SIAE: variants seen among roughly 807,000 people sequenced by gnomAD.
SIAE encodes sialic acid acetylesterase.
A neutral mutation model predicts 52.6 loss-of-function variants in SIAE; 39 were observed. The observed-to-expected ratio is 0.74, with a 90% CI of 0.57 to 0.97. The LOEUF (loss-of-function observed/expected upper bound fraction) is 0.97, where lower values mean the gene tolerates loss of function less well. Among genes scored for constraint, SIAE ranks in the 50% least tolerant of loss-of-function variants. The pLI is 0.00. For missense variants in SIAE, 592 were observed against 662.1 expected (o/e 0.89, Z 1.16); for synonymous variants, 233 against 241.4 (o/e 0.97, Z 0.32).
In SIAE at chr11:124,637,288, G is replaced by A. The variant is rs895607628; in HGVS notation, c.1321-86C>T. 5.7e-6 allele frequency: 9 copies of A among 1,577,702 alleles called. No individual in the cohort carries two copies. The African/African-American group carries it at 1.2e-4, about 21-fold the overall frequency. On this transcript the variant is annotated intron_variant, in intron 9 of 9. Transcript: ENST00000263593. Reference sequence around the variant, plus strand: ...CACTGCTCTTTCAGACAGAATGGATGGGAGGAAAGGAGACACTCTTCACCA... The same window carrying A: ...CACTGCTCTTTCAGACAGAATGGATAGGAGGAAAGGAGACACTCTTCACCA...
rs763535524 is a variant in SIAE, at chr11:124,669,387, T to C, written c.202A>G (p.Ile68Val). ...TVTLRQGQETIMKKVTSVKAH... is the reference protein window; with the variant it reads ...TVTLRQGQETVMKKVTSVKAH... Reference sequence around the variant, plus strand: ...TTCACACTGGTCACTTTCTTCATGATGGTTTCCTGACCTTGGCGCAGGGTC... The same window carrying C: ...TTCACACTGGTCACTTTCTTCATGACGGTTTCCTGACCTTGGCGCAGGGTC... Residue 68 changes from isoleucine (I) to valine (V), a missense_variant, in exon 2 of 10, where the codon ATC becomes GTC. Physicochemically the swap from Ile to Val is conservative, Grantham distance 29 (BLOSUM62 3). Transcript: ENST00000263593. 5 of 1,614,082 alleles carry C rather than the reference T, an allele frequency of 3.1e-6. No individual in the cohort carries two copies. Among genetic ancestry groups the C allele is most frequent in the Non-Finnish European group, 4.2e-6 (5 of 1,180,054 alleles).
At chr11:124,657,223 GT>G (rs1943114987) in intron 3 of SIAE, among the ~76,000 whole-genome samples, 1 of 152,206 alleles carries the variant, frequency 6.6e-6, no homozygotes, top group Non-Finnish European at 1.5e-5. Flanking sequence ...AGACCTGTTT[GT>G]TCAGGATCAT....
intron 1 of SIAE, among the ~76,000 whole-genome samples, chr11:124,672,206 TG>T (rs1233039944): frequency 6.6e-6 from 1 of 152,168 alleles, no homozygotes; most frequent in Non-Finnish European, 1.5e-5. Flanking sequence ...AGCCAACATT[TG>T]GATTTTTTAG....
At chr11:124,650,796 A>G (rs1025130594) in intron 4 of SIAE, among the ~76,000 whole-genome samples, 1 of 152,192 alleles carries the variant, frequency 6.6e-6, no homozygotes, top group African/African-American at 2.4e-5. Flanking sequence ...AATAAATAAA[A>G]TAAAAGTCAA....
chr11:124,655,768 C>T (rs745620016), intron 3 of SIAE, among the ~76,000 whole-genome samples: 9 of 152,142 alleles, frequency 5.9e-5, no homozygotes, highest in Admixed American at 1.3e-4. Context: ...GTCCCTTATA[C>T]AAAATGGCAT....
chr11:124,660,201 A>C, intron 3 of SIAE: 1 of 245,778 alleles, frequency 4.1e-6, no homozygotes, highest in Non-Finnish European at 8.0e-6. Context: ...GAGGCAGGAG[A>C]ATCGCTTGAA....
intron 4 of SIAE, among the ~76,000 whole-genome samples, chr11:124,651,317 G>A (rs1943012676): frequency 6.6e-6 from 1 of 152,142 alleles, no homozygotes; most frequent in African/African-American, 2.4e-5. Flanking sequence ...GGAGGCTGAA[G>A]CAGGCAGATC....
chr11:124,658,260 ACAG>A (rs1449491796), intron 3 of SIAE, among the ~76,000 whole-genome samples: 1 of 150,762 alleles, frequency 6.6e-6, no homozygotes, highest in Non-Finnish European at 1.5e-5. Flanking sequence ...ACACACACAC[ACAG>A]AAGGACAGAA....
intron 5 of SIAE, among the ~76,000 whole-genome samples, chr11:124,648,690 T>C (rs892657781): frequency 6.6e-6 from 1 of 152,154 alleles, no homozygotes; most frequent in Non-Finnish European, 1.5e-5. Context: ...TCTGAACACG[T>C]TCTCAAATTT....
intron 5 of SIAE, among the ~76,000 whole-genome samples, chr11:124,649,300 TATA>T (rs1223739447): frequency 6.7e-6 from 1 of 149,826 alleles, no homozygotes; most frequent in Admixed American, 6.7e-5. Flanking sequence ...TATATTAATA[TATA>T]ATAATATATA....
Position 124,636,811 on chromosome 11 carries a change from A to G in SIAE, c.*140T>C. 8.2e-7 allele frequency: 1 copy of G among 1,219,924 alleles called. No individual in the cohort carries two copies. Among genetic ancestry groups the G allele is most frequent in the Non-Finnish European group, 1.2e-6 (1 of 836,660 alleles). The allele number at this position is 1,219,924 out of a possible 1,614,324, so 75.6% of individuals were successfully genotyped here. On this transcript the variant is annotated 3_prime_UTR_variant, in exon 10 of 10. Coordinates refer to ENST00000263593, the MANE Select transcript of SIAE (RefSeq NM_170601.5). The stretch of plus-strand genomic sequence containing the variant: ...AGCCTGGGCTCATCAGAATATAGAA[A>G]CAGCCATGTGCTAGCTGAAAGCCAT...
chr11:124,647,357 C>T lies in SIAE; in HGVS notation c.966+8G>A. The T allele has an allele frequency of 6.2e-7, 1 of 1,614,208 alleles. No individual in the cohort carries two copies. Among genetic ancestry groups the T allele is most frequent in the Non-Finnish European group, 8.5e-7 (1 of 1,180,040 alleles). On this transcript the variant is annotated splice_region_variant and intron_variant, in intron 7 of 9. Transcript: ENST00000263593. ...ACATGAACAGAGAAGCCTTTACCCA[C>T]ATCGTACCTGGACAAGTCCAAATGG...
chr11:124,640,022 A>G (rs1229103133), intron 7 of SIAE, among the ~76,000 whole-genome samples, 155 bp from the exon 8 acceptor site: 1 of 152,200 alleles, frequency 6.6e-6, no homozygotes, highest in Non-Finnish European at 1.5e-5. Flanking sequence ...GTGTCTCTCC[A>G]AAGACAGCTG....
Position 124,638,531 on chromosome 11 carries a change from G to A in SIAE, c.1320+11C>T. 1 of 1,613,922 alleles carries A rather than the reference G, an allele frequency of 6.2e-7. No individual in the cohort carries two copies. The highest frequency in any genetic ancestry group is 8.5e-7 in the Non-Finnish European group (1 of 1,179,830). ...AAAATGAACCCCTGTTTATTCTGCT[G>A]TTCTTCTCACCTCAAATATCTTGTT... On this transcript the variant is annotated intron_variant, in intron 9 of 9. Transcript: ENST00000263593.
rs779095976 is a variant in SIAE, at chr11:124,669,536, A to G, written c.68-15T>C. ...AAAACCAATACCTAAAAAATTTAAC[A>G]AACACTGAGGGAAGCATCATCGGAG... On this transcript the variant is annotated splice_polypyrimidine_tract_variant and intron_variant, in intron 1 of 9. Coordinates refer to ENST00000263593, the MANE Select transcript of SIAE (RefSeq NM_170601.5). 55 of 1,611,098 alleles carry G rather than the reference A, an allele frequency of 3.4e-5. No homozygotes were observed. The South Asian group carries it at 5.9e-4, about 17-fold the overall frequency.
intron 3 of SIAE, among the ~76,000 whole-genome samples, chr11:124,658,198 T>A (rs1011847104): frequency 6.6e-6 from 1 of 151,948 alleles, no homozygotes; most frequent in African/African-American, 2.4e-5. Context: ...TGGCATGGGG[T>A]CTGCATAGGG....
chr11:124,660,928 G>T, intron 2 of SIAE, 125 bp from the exon 3 acceptor site: 1 of 1,096,532 alleles, frequency 9.1e-7, no homozygotes, highest in Non-Finnish European at 1.4e-6. Flanking sequence ...ATGAAGATTG[G>T]CCAAATTTCA....
upstream of SIAE, chr11:124,673,837 G>T: frequency 9.9e-7 from 1 of 1,014,044 alleles, no homozygotes; most frequent in Non-Finnish European, 1.5e-6. Flanking sequence ...TCAGGACTGG[G>T]CTGTACTCGC....
At chr11:124,650,541 G>A (rs538422671) in intron 4 of SIAE, among the ~76,000 whole-genome samples, 9 of 152,306 alleles carry the variant, frequency 5.9e-5, no homozygotes, top group African/African-American at 1.7e-4. Context: ...GAGAGAATGA[G>A]GCAGGTGGAT....
Sources: gnomAD v4.1 joint callset for allele counts (sites outside exome capture counted in the v4.1 genomes callset) on GRCh38, gnomAD v4.1.1 for gene constraint, MANE v1.5 for transcripts, NCBI Gene and HGNC (gene_info 2026-07-23, HGNC 2026-07-21) for gene names.